ST8SIA6: variants seen among roughly 807,000 people sequenced by gnomAD.
The protein encoded by ST8SIA6 is ST8 alpha-N-acetyl-neuraminide alpha-2,8-sialyltransferase 6, also known as alpha-2,8-sialyltransferase 8F.
In ST8SIA6, 39 loss-of-function variants were observed where a neutral mutation model predicts 33.6. The observed-to-expected ratio is 1.16, with a 90% CI of 0.90 to 1.52. The LOEUF is 1.52. Ranked by LOEUF, ST8SIA6 falls within the 40% of genes most tolerant of loss-of-function variation. The pLI is 0.00. For missense variants in ST8SIA6, 441 were observed against 443.8 expected, an observed-to-expected ratio of 0.99 and a Z score of 0.06; for synonymous variants, 172 against 167.2, an observed-to-expected ratio of 1.03 and a Z score of -0.22.
chr10:17,409,052 G>T (rs1326336814), intron 2 of ST8SIA6, among the ~76,000 whole-genome samples: 1 of 151,820 alleles, frequency 6.6e-6, no homozygotes, highest in Non-Finnish European at 1.5e-5. Flanking sequence ...CAAAGTGTTG[G>T]GATTACAGGC....
intron 2 of ST8SIA6, among the ~76,000 whole-genome samples, chr10:17,447,024 C>G (rs1297881955): frequency 1.6e-5 from 1 of 63,372 alleles, no homozygotes; most frequent in Non-Finnish European, 3.2e-5. Flanking sequence ...GACTCTGTCT[C>G]AAAAAAAAAA....
intron 4 of ST8SIA6, among the ~76,000 whole-genome samples, chr10:17,350,760 T>C (rs1178068896): frequency 6.6e-6 from 1 of 152,130 alleles, no homozygotes; most frequent in Admixed American, 6.5e-5. Context: ...GAGCTGTCTG[T>C]AGTCTGTGTG....
intron 3 of ST8SIA6, among the ~76,000 whole-genome samples, chr10:17,368,096 A>T (rs550230373): frequency 1.3e-5 from 2 of 152,174 alleles, no homozygotes; most frequent in South Asian, 4.1e-4. Context: ...CCAACAAAAC[A>T]CAAAAATCTA....
intron 7 of ST8SIA6, among the ~76,000 whole-genome samples, chr10:17,321,590 G>T (rs1847951151): frequency 6.6e-6 from 1 of 152,098 alleles, no homozygotes; most frequent in Middle Eastern, 3.2e-3. Flanking sequence ...CTGGGCTATA[G>T]CCTTAATGAA....
intron 4 of ST8SIA6, among the ~76,000 whole-genome samples, chr10:17,333,717 ATTTTTTTTT>A (rs71392102): frequency 2.7e-4 from 9 of 33,754 alleles, no homozygotes; most frequent in Non-Finnish European, 3.3e-4. Context: ...ATATATATAT[ATTTTTTTTT>A]TTTTTTTTTT....
chr10:17,432,226 A>G (rs1420773280), intron 2 of ST8SIA6, among the ~76,000 whole-genome samples: 5 of 152,158 alleles, frequency 3.3e-5, no homozygotes, highest in Non-Finnish European at 5.9e-5. Flanking sequence ...TTTTTTAATG[A>G]CTCACCAGCC....
chr10:17,361,257 A>C (rs967876940), intron 3 of ST8SIA6, among the ~76,000 whole-genome samples: 2 of 151,986 alleles, frequency 1.3e-5, no homozygotes, highest in African/African-American at 4.8e-5. Flanking sequence ...ATTGATAAAA[A>C]CTCTTGCCAC....
rs184773201 is a variant in ST8SIA6, at chr10:17,317,337, T to C, written c.*3541A>G. 1.3e-3 allele frequency among the ~76,000 whole-genome samples: 192 copies of C among 152,232 alleles called. 1 individual carries two copies. Among genetic ancestry groups the C allele is most frequent in the Admixed American group, 6.5e-3 (100 of 15,292 alleles). On this transcript the variant is annotated 3_prime_UTR_variant, in exon 8 of 8. Transcript: ENST00000377602. ...GAGAAATATTCTTGCCTTTCCACTC[T>C]CAGGAGGGTACTGGTGACACTGTTC...
intron 6 of ST8SIA6, among the ~76,000 whole-genome samples, chr10:17,326,779 T>C (rs45541931): frequency 0.019 from 2,864 of 152,280 alleles, 30 homozygotes; most frequent in African/African-American, 0.023. Flanking sequence ...TTCACCACAA[T>C]TTCACCCAGA....
intron 2 of ST8SIA6, among the ~76,000 whole-genome samples, chr10:17,440,207 ATTTTT>A (rs199531697): frequency 1.5e-5 from 2 of 135,894 alleles, no homozygotes; most frequent in Non-Finnish European, 3.1e-5. Flanking sequence ...TCTCAAATGT[ATTTTT>A]TTTTTTTTTT....
chr10:17,407,758 A>C (rs12248657), intron 2 of ST8SIA6, among the ~76,000 whole-genome samples: 3,092 of 152,290 alleles, frequency 0.02, 71 homozygotes, highest in East Asian at 0.081. Context: ...CACTTTGAGT[A>C]ACAAGTTCTT....
At position 17,327,030 on chromosome 10, in the gene ST8SIA6, A is replaced by C; in HGVS notation, c.619T>G (p.Ser207Ala). 1 of 1,601,706 alleles carries C rather than the reference A, an allele frequency of 6.2e-7. No individual in the cohort carries two copies. Among genetic ancestry groups the C allele is most frequent in the African/African-American group, 1.3e-5 (1 of 74,188 alleles). Residue 207 changes from serine (S) to alanine (A), a missense_variant, in exon 6 of 8, where the codon TCC becomes GCC. Coordinates refer to ENST00000377602, the MANE Select transcript of ST8SIA6 (RefSeq NM_001004470.3). ...AGGTCTTACCTAAAAACGAAGTCGG[A>C]TTTATCTATTTCAGTTCCACAGAGA... ...KSLCGTEIDK[S>A]DFVFRCNLPP...
At chr10:17,439,678 T>G (rs1852402940) in intron 2 of ST8SIA6, among the ~76,000 whole-genome samples, 1 of 152,182 alleles carries the variant, frequency 6.6e-6, no homozygotes, top group African/African-American at 2.4e-5. Flanking sequence ...TCTCTAAGCT[T>G]CATCTCCCCA....
At chr10:17,444,685 C>G (rs1279398891) in intron 2 of ST8SIA6, among the ~76,000 whole-genome samples, 1 of 152,190 alleles carries the variant, frequency 6.6e-6, no homozygotes, top group Non-Finnish European at 1.5e-5. Flanking sequence ...CAGAGCAGAG[C>G]AGCCAGAGAG....
chr10:17,325,612 TGA>T (rs1411245575), intron 6 of ST8SIA6, among the ~76,000 whole-genome samples: 1 of 151,920 alleles, frequency 6.6e-6, no homozygotes, highest in African/African-American at 2.4e-5. Context: ...TCTTTTGAAA[TGA>T]AAAATAAAAG....
Position 17,316,429 on chromosome 10 carries a change from A to G in ST8SIA6, c.*4449T>C, listed in dbSNP as rs962873560. On this transcript the variant is annotated 3_prime_UTR_variant, in exon 8 of 8. Coordinates refer to ENST00000377602, the MANE Select transcript of ST8SIA6 (RefSeq NM_001004470.3). ...GAAGAGACAGATATCTGTGAGTCCAATTTGTCTACTTACTACCGCAAACCA... is the reference window on the plus strand; with the variant it reads ...GAAGAGACAGATATCTGTGAGTCCAGTTTGTCTACTTACTACCGCAAACCA... Among the ~76,000 whole-genome samples the G allele has an allele frequency of 6.6e-6, 1 of 152,070 alleles. No homozygotes were observed. The highest frequency in any genetic ancestry group is 2.4e-5 in the African/African-American group (1 of 41,452).
At chr10:17,391,255 TTTTA>T (rs529722416) in intron 2 of ST8SIA6, among the ~76,000 whole-genome samples, 7 of 151,736 alleles carry the variant, frequency 4.6e-5, no homozygotes, top group African/African-American at 7.3e-5. Context: ...TTTATTTTAT[TTTTA>T]TTTATTTATT....
intron 3 of ST8SIA6, among the ~76,000 whole-genome samples, chr10:17,367,399 G>A (rs148087763): frequency 3.7e-4 from 56 of 151,778 alleles, no homozygotes; most frequent in African/African-American, 6.5e-4. Context: ...GAGAAAACCC[G>A]CCCCCATGAT....
In ST8SIA6 at chr10:17,425,645, G is replaced by GAAAT. The variant is rs200138524; in HGVS notation, c.200+27913_200+27914insATTT. Among the ~76,000 whole-genome samples the GAAAT allele has an allele frequency of 7.4e-5, 11 of 148,296 alleles. No individual in the cohort carries two copies. In the East Asian group the frequency reaches 2.2e-3, roughly 30 times the overall value. ...AGAAAGAAAGAAAGAGAGGAAGAAA[G>GAAAT]GAGGGAGGGAGGGAGGAAGGGAAGA... On this transcript the variant is annotated intron_variant, in intron 2 of 7. Transcript: ENST00000377602.
Sources: allele counts gnomAD v4.1 joint callset (sites outside exome capture counted in the v4.1 genomes callset), GRCh38; gene constraint gnomAD v4.1.1; transcripts MANE v1.5; gene names NCBI Gene and HGNC (gene_info 2026-07-23, HGNC 2026-07-21).